The following RBBP6 variants were observed in gnomAD, a reference collection of about 807,000 sequenced individuals.
RBBP6 encodes E3 ubiquitin-protein ligase RBBP6.
Under a neutral mutation model 167.7 loss-of-function variants are expected in RBBP6, and 25 were observed. The ratio of observed to expected loss-of-function variants is 0.15; its 90% CI spans 0.11 to 0.21. The LOEUF is 0.21. Among genes scored for constraint, RBBP6 ranks in the 10% least tolerant of loss-of-function variants. The probability of loss-of-function intolerance (pLI) is 1.00; values close to 1 mark genes in which losing one functional copy is unlikely to be tolerated. For missense variants in RBBP6, 1,868 were observed against 2,134.2 expected, an observed-to-expected ratio of 0.88 and a Z score of 2.46; for synonymous variants, 789 against 735.8, an observed-to-expected ratio of 1.07 and a Z score of -1.17.
At position 24,539,570 on chromosome 16, in the gene RBBP6, T is replaced by G. The variant is rs1161506903; in HGVS notation, c.-1057T>G. ...AATCCCTGCTTAAGAGACCCCGCAG[T>G]GGGGCGCTCGTCCGAAGCCAGGCCG... On this transcript the variant is annotated 5_prime_UTR_variant, in exon 1 of 18. Coordinates refer to ENST00000319715, the MANE Select transcript of RBBP6 (RefSeq NM_006910.5). The G allele has an allele frequency of 6.6e-6, 1 of 152,012 alleles. No individual in the cohort carries two copies. Among genetic ancestry groups the G allele is most frequent in the South Asian group, 2.1e-4 (1 of 4,832 alleles). The allele number at this position is 152,012 out of a possible 1,614,324, so 9.4% of individuals were successfully genotyped here. A position where few individuals can be genotyped will look rare whatever the true frequency, so the allele number is the denominator to read the frequency against.
intron 3 of RBBP6, chr16:24,549,276 T>C: frequency 2.5e-6 from 3 of 1,222,262 alleles, no homozygotes; most frequent in Non-Finnish European, 3.1e-6. Flanking sequence ...TTTAGATCGT[T>C]TAGGTTTTAC....
At chr16:24,568,268 G>A (rs1899241171) in intron 16 of RBBP6, among the ~76,000 whole-genome samples, 2 of 152,178 alleles carry the variant, frequency 1.3e-5, no homozygotes, top group Non-Finnish European at 2.9e-5. Context: ...TTATGAAGTA[G>A]TAGTAGAATA....
At position 24,541,200 on chromosome 16, in the gene RBBP6, AAAACC is replaced by A. The variant is rs1158172981; in HGVS notation, c.166+412_166+416del. On this transcript the variant is annotated intron_variant, in intron 1 of 17. Coordinates refer to ENST00000319715, the MANE Select transcript of RBBP6 (RefSeq NM_006910.5). ...AATCAGCAAAAAAAAAAACAAAAAA[AAAACC>A]AAAAAAACAATTTTCTAACCTAACA... 3.2e-3 allele frequency among the ~76,000 whole-genome samples: 329 copies of A among 101,422 alleles called. 11 individuals are homozygous for A. Among genetic ancestry groups the A allele is most frequent in the Middle Eastern group, 0.028 (5 of 180 alleles). The allele number at this position is 101,422 out of a possible 152,430, so 66.5% of individuals were successfully genotyped here.
Position 24,571,203 on chromosome 16 carries a change from C to T in RBBP6, c.4137C>T (p.Asp1379=), listed in dbSNP as rs748534554. 6.8e-6 allele frequency: 11 copies of T among 1,613,496 alleles called. No individual in the cohort carries two copies. The highest frequency in any genetic ancestry group is 4.4e-5 in the South Asian group (4 of 91,036). ...AGAAAATTCAGAAATTCACCAAGGA[C>T]GTGAGCCATGAAATCATACAACATG... is the stretch of plus-strand genomic sequence containing the variant. The part of the protein sequence containing the change: ...PSEKIQKFTK[D]VSHEIIQHEV... Residue 1379 remains aspartate, a synonymous_variant, in exon 18 of 18, where the codon GAC becomes GAT. Transcript: ENST00000319715.
At chr16:24,562,196 A>G in intron 10 of RBBP6, 35 bp downstream of exon 10, 3 of 1,517,948 alleles carry the variant, frequency 2.0e-6, no homozygotes, top group Non-Finnish European at 2.7e-6. Flanking sequence ...TAGAAACCAA[A>G]TGAGGTCAAT....
intron 3 of RBBP6, among the ~76,000 whole-genome samples, chr16:24,551,274 C>T (rs1318426711): frequency 2.0e-5 from 3 of 151,772 alleles, no homozygotes; most frequent in East Asian, 1.9e-4. Flanking sequence ...TGCATCAGTC[C>T]GTTTTGTGAG....
Position 24,556,393 on chromosome 16 carries a change from T to A in RBBP6, c.620T>A (p.Met207Lys). The change falls in exon 7 of 18, where the codon ATG becomes AAG. Residue 207 changes from methionine to lysine, a missense_variant. Coordinates refer to ENST00000319715, the MANE Select transcript of RBBP6 (RefSeq NM_006910.5). ...SFMMEVKDPN[M>K]KGAMLTNTGK... is the part of the protein sequence containing the mutation. ...ATGATGGAAGTGAAAGATCCTAATATGAAAGGTGCAATGCTTACCAACACT... is the reference window on the plus strand; with the variant it reads ...ATGATGGAAGTGAAAGATCCTAATAAGAAAGGTGCAATGCTTACCAACACT... 6.2e-7 allele frequency: 1 copy of A among 1,605,686 alleles called. No homozygotes were observed. Among genetic ancestry groups the A allele is most frequent in the Non-Finnish European group, 8.5e-7 (1 of 1,172,504 alleles).
chr16:24,553,716 A>C, intron 4 of RBBP6, 159 bp downstream of exon 4: 1 of 435,376 alleles, frequency 2.3e-6, no homozygotes, highest in Non-Finnish European at 4.0e-6. Context: ...TGTTTTGAGA[A>C]GATAGGGGAA....
intron 1 of RBBP6, among the ~76,000 whole-genome samples, chr16:24,541,199 A>C (rs1382695492): frequency 1.5e-5 from 2 of 132,618 alleles, no homozygotes; most frequent in Admixed American, 7.8e-5. Flanking sequence ...AAAACAAAAA[A>C]AAAACCAAAA....
intron 2 of RBBP6, 71 bp downstream of exon 2, chr16:24,546,333 T>C: frequency 7.1e-7 from 1 of 1,412,516 alleles, no homozygotes; most frequent in Admixed American, 3.2e-5. Context: ...GAGAAAAAAC[T>C]GTATTTTAGA....
chr16:24,563,742 A>G lies in RBBP6; in HGVS notation c.1520+78A>G, dbSNP rs980367217. On this transcript the variant is annotated intron_variant, in intron 13 of 17. Coordinates refer to ENST00000319715, the MANE Select transcript of RBBP6 (RefSeq NM_006910.5). The stretch of plus-strand genomic sequence containing the variant: ...GGAAGGTCCAAACTAGGCAAACTAG[A>G]TAATGGAAGGTCCAAACTAGGCAGC... 3.6e-6 allele frequency: 5 copies of G among 1,405,696 alleles called. No homozygotes were observed. The African/African-American group carries it at 7.3e-5, about 21-fold the overall frequency. 87.1% of individuals were successfully genotyped at this position (1,405,696 alleles called of 1,614,324 possible).
At position 24,556,531 on chromosome 16, in the gene RBBP6, C is replaced by T; in HGVS notation, c.674+84C>T. 5 of 1,413,988 alleles carry T rather than the reference C, an allele frequency of 3.5e-6. No individual in the cohort carries two copies. In the South Asian group the frequency reaches 6.5e-5, roughly 18 times the overall value. The allele number at this position is 1,413,988 out of a possible 1,614,324, so 87.6% of individuals were successfully genotyped here. Reference sequence around the variant, plus strand: ...TTTTAATCTTGGGCTTGTAACTTTGCTACTTGGATTCCTTGAGAACTTTGT... The same window carrying T: ...TTTTAATCTTGGGCTTGTAACTTTGTTACTTGGATTCCTTGAGAACTTTGT... On this transcript the variant is annotated intron_variant, in intron 7 of 17. Coordinates refer to ENST00000319715, the MANE Select transcript of RBBP6 (RefSeq NM_006910.5).
At chr16:24,548,879 A>T in intron 2 of RBBP6, 66 bp from the exon 3 acceptor site, 2 of 1,370,300 alleles carry the variant, frequency 1.5e-6, no homozygotes, top group South Asian at 1.3e-5. Context: ...ATAATGTGTT[A>T]AAATTTATTA....
Position 24,569,088 on chromosome 16 carries a change from A to G in RBBP6, c.2398A>G (p.Arg800Gly). The G allele has an allele frequency of 4.3e-6, 7 of 1,614,090 alleles. No individual in the cohort carries two copies. Among genetic ancestry groups the G allele is most frequent in the South Asian group, 1.1e-5 (1 of 91,062 alleles). The change falls in exon 17 of 18, where the codon AGA (arginine) becomes GGA (glycine). Residue 800 changes from arginine to glycine, a missense_variant. Physicochemically the swap from Arg to Gly is moderately radical, Grantham distance 125. Coordinates refer to ENST00000319715, the MANE Select transcript of RBBP6 (RefSeq NM_006910.5). ...ETEREYFNRYREVPPPYDMKA... is the reference protein window; with the variant it reads ...ETEREYFNRYGEVPPPYDMKA... Reference sequence around the variant, plus strand: ...AGAACGTGAATATTTTAATAGATACAGAGAAGTTCCACCACCATATGACAT... The same window carrying G: ...AGAACGTGAATATTTTAATAGATACGGAGAAGTTCCACCACCATATGACAT...
chr16:24,559,814 A>G (rs747366243), intron 8 of RBBP6, 137 bp downstream of exon 8: 7 of 701,020 alleles, frequency 1.0e-5, no homozygotes, highest in African/African-American at 1.9e-5. Flanking sequence ...AGCATTAAGT[A>G]GTGAGAAGTC....
At chr16:24,561,426 A>G (rs1343648629) in intron 8 of RBBP6, among the ~76,000 whole-genome samples, 186 bp from the exon 9 acceptor site, 1 of 152,200 alleles carries the variant, frequency 6.6e-6, no homozygotes, top group Non-Finnish European at 1.5e-5. Flanking sequence ...GTCATATAGA[A>G]AAGAGCAGAG....
intron 2 of RBBP6, among the ~76,000 whole-genome samples, chr16:24,547,368 T>C (rs1273975142): frequency 3.3e-5 from 5 of 152,242 alleles, no homozygotes; most frequent in Non-Finnish European, 7.3e-5. Context: ...TTCCTTGTTG[T>C]AATTGCCAAG....
chr16:24,556,264 C>G, intron 6 of RBBP6, 44 bp from the exon 7 acceptor site: 1 of 1,449,772 alleles, frequency 6.9e-7, no homozygotes, highest in Non-Finnish European at 9.5e-7. Context: ...ATAAAGATAA[C>G]TGCTTTTTCT....
intron 6 of RBBP6, 145 bp downstream of exon 6, chr16:24,556,062 C>T: frequency 1.1e-6 from 1 of 874,296 alleles, no homozygotes; most frequent in Non-Finnish European, 1.7e-6. Context: ...TGCCAGGCTT[C>T]AAATCTTGGT....
Sources: gnomAD v4.1 joint callset for allele counts (sites outside exome capture counted in the v4.1 genomes callset) on GRCh38, gnomAD v4.1.1 for gene constraint, MANE v1.5 for transcripts, NCBI Gene and HGNC (gene_info 2026-07-23, HGNC 2026-07-21) for gene names.